Variants in OSBPL9 observed in about 807,000 individuals in gnomAD.
OSBPL9 encodes the protein oxysterol binding protein like 9, also known as oxysterol-binding protein-related protein 9.
A neutral mutation model predicts 106.6 loss-of-function variants in OSBPL9; 40 were observed. That is an observed-to-expected ratio of 0.38 (90% CI 0.29 to 0.49). OSBPL9 has a LOEUF of 0.49. Among genes scored for constraint, OSBPL9 ranks in the 20% least tolerant of loss-of-function variants. OSBPL9 has a pLI of 0.97. For synonymous variants in OSBPL9, 269 were observed against 295.4 expected (o/e 0.91, Z 0.92); for missense variants, 609 against 887.2 (o/e 0.69, Z 3.98).
chr1:51,528,905 A>G, the OSBPL9 span, among the ~76,000 whole-genome samples: 1 of 152,222 alleles, frequency 6.6e-6, no homozygotes, highest in Non-Finnish European at 1.5e-5. Flanking sequence ...AATTCCGTTT[A>G]CAATAACATC....
intron 2 of OSBPL9, among the ~76,000 whole-genome samples, chr1:51,601,373 G>T (rs368952771): frequency 2.0e-5 from 3 of 150,856 alleles, no homozygotes; most frequent in East Asian, 3.9e-4. Flanking sequence ...AAGACAGTTT[G>T]TCTGTGGTTC....
At chr1:51,563,807 G>A in the OSBPL9 span, 2,995 of 152,298 alleles carry the variant, frequency 0.02, 51 homozygotes, top group Non-Finnish European at 0.03. Flanking sequence ...CAGGCTGGGC[G>A]TGGTGGCTCA....
intron 1 of OSBPL9, among the ~76,000 whole-genome samples, chr1:51,636,747 C>G (rs1225214206): frequency 6.6e-6 from 1 of 151,974 alleles, no homozygotes; most frequent in East Asian, 1.9e-4. Flanking sequence ...GCCAGGAGTT[C>G]AAGGCCAGCC....
chr1:51,635,297 AAAAAAAAATGTC>A (rs1383515942), intron 1 of OSBPL9, among the ~76,000 whole-genome samples: 1 of 152,088 alleles, frequency 6.6e-6, no homozygotes, highest in African/African-American at 2.4e-5. Context: ...TCTGTATTAA[AAAAAAAAATGTC>A]AGAACTTTGG....
chr1:51,639,816 GTTTTTTTTTT>G (rs758174157), intron 1 of OSBPL9, among the ~76,000 whole-genome samples: 16 of 67,048 alleles, frequency 2.4e-4, no homozygotes, highest in East Asian at 1.4e-3. Context: ...ATTCCTAGTT[GTTTTTTTTTT>G]TTTTTTTTTT....
At chr1:51,587,034 C>A (rs1645250969) in intron 1 of OSBPL9, among the ~76,000 whole-genome samples, 1 of 152,174 alleles carries the variant, frequency 6.6e-6, no homozygotes. Flanking sequence ...CCATTTGTCA[C>A]TACATTCACA....
At position 51,698,570 on chromosome 1, in the gene OSBPL9, G is replaced by A. The variant is rs1192794657; in HGVS notation, c.242-15433G>A. Among the ~76,000 whole-genome samples the A allele has an allele frequency of 4.6e-5, 7 of 152,090 alleles. 1 individual carries two copies. The highest frequency in any genetic ancestry group is 1.7e-4 in the African/African-American group (7 of 41,414). On this transcript the variant is annotated intron_variant, in intron 3 of 23. Coordinates refer to ENST00000428468, the MANE Select transcript of OSBPL9 (RefSeq NM_024586.6). ...TGTGGGTCGCAGTCAAACAAAATTT[G>A]GAGCCCACTGGCTTAGAGGATGGAA... is the stretch of plus-strand genomic sequence containing the variant.
At chr1:51,609,337 CT>C in intron 2 of OSBPL9, among the ~76,000 whole-genome samples, 1 of 149,992 alleles carries the variant, frequency 6.7e-6, no homozygotes, top group African/African-American at 2.5e-5. Flanking sequence ...GCTACCTTCT[CT>C]CTCCTTTTTT....
intron 4 of OSBPL9, among the ~76,000 whole-genome samples, chr1:51,720,062 T>C (rs2300789): frequency 0.04 from 6,103 of 152,298 alleles, 303 homozygotes; most frequent in East Asian, 0.11. Flanking sequence ...CATATAGATA[T>C]GCCATTTACT....
chr1:51,753,370 A>G (rs1669667928), intron 8 of OSBPL9, among the ~76,000 whole-genome samples: 1 of 152,184 alleles, frequency 6.6e-6, no homozygotes, highest in South Asian at 2.1e-4. Flanking sequence ...GTGAGACTAA[A>G]TGATTATTTG....
At chr1:51,759,636 A>G (rs1040234584) in intron 9 of OSBPL9, 3 of 152,188 alleles carry the variant, frequency 2.0e-5, no homozygotes, top group Non-Finnish European at 2.9e-5. Flanking sequence ...TCTAAATGGT[A>G]AATGTAAACT....
chr1:51,600,494 G>A (rs1570538680), intron 2 of OSBPL9, among the ~76,000 whole-genome samples: 1 of 152,012 alleles, frequency 6.6e-6, no homozygotes, highest in Middle Eastern at 3.4e-3. Flanking sequence ...AAACAGGCTG[G>A]ATTCATTATT....
At chr1:51,738,004 TAC>T (rs1212179340) in intron 4 of OSBPL9, among the ~76,000 whole-genome samples, 3 of 152,044 alleles carry the variant, frequency 2.0e-5, no homozygotes, top group Non-Finnish European at 4.4e-5. Flanking sequence ...AACTAAAATA[TAC>T]AGTCATCCTA....
At chr1:51,739,715 C>A (rs1666469111) in intron 4 of OSBPL9, among the ~76,000 whole-genome samples, 1 of 151,976 alleles carries the variant, frequency 6.6e-6, no homozygotes, top group East Asian at 1.9e-4. Flanking sequence ...CCCAGAACTT[C>A]CCTGTTCTTC....
chr1:51,689,116 T>TA (rs1654439276), intron 3 of OSBPL9, among the ~76,000 whole-genome samples: 1 of 152,202 alleles, frequency 6.6e-6, no homozygotes, highest in Non-Finnish European at 1.5e-5. Flanking sequence ...AGGGCTTCCT[T>TA]ACCTGCAATG....
the OSBPL9 span, chr1:51,566,395 G>A: frequency 6.6e-6 from 1 of 152,126 alleles, no homozygotes; most frequent in Non-Finnish European, 1.5e-5. Context: ...TTTGGTTTCT[G>A]GGCGTAGGGT....
chr1:51,754,011 A>T (rs1411170608), intron 8 of OSBPL9, among the ~76,000 whole-genome samples: 1 of 152,212 alleles, frequency 6.6e-6, no homozygotes, highest in Admixed American at 6.5e-5. Context: ...ATCTCAGAAG[A>T]CATCCCTCCC....
chr1:51,545,346 C>G, the OSBPL9 span, among the ~76,000 whole-genome samples: 1 of 152,090 alleles, frequency 6.6e-6, no homozygotes, highest in East Asian at 1.9e-4. Context: ...CCTAATCATA[C>G]AGTCTTAAAA....
chr1:51,529,685 G>A, the OSBPL9 span, among the ~76,000 whole-genome samples: 1,116 of 151,526 alleles, frequency 7.4e-3, 14 homozygotes, highest in African/African-American at 0.026. Context: ...ATTCAATGGC[G>A]GAAAGAATAG....
Sources: gnomAD v4.1 joint callset for allele counts (sites outside exome capture counted in the v4.1 genomes callset) on GRCh38, gnomAD v4.1.1 for gene constraint, MANE v1.5 for transcripts, NCBI Gene and HGNC (gene_info 2026-07-23, HGNC 2026-07-21) for gene names.